SDK1: variants seen among roughly 807,000 people sequenced by gnomAD.
SDK1 encodes the protein sidekick cell adhesion molecule 1.
SDK1 carries 157 observed loss-of-function variants against 245.5 expected under a neutral mutation model. The ratio of observed to expected loss-of-function variants is 0.64; its 90% CI spans 0.56 to 0.73. The LOEUF (loss-of-function observed/expected upper bound fraction) is 0.73, where lower values mean the gene tolerates loss of function less well. Among genes scored for constraint, SDK1 ranks in the 30% least tolerant of loss-of-function variants. The pLI is 0.00. For missense variants in SDK1, 3,583 were observed against 3,002.3 expected (o/e 1.19, Z -4.52); for synonymous variants, 1,647 against 1,278.5 (o/e 1.29, Z -6.15).
chr7:3,508,331 T>TC (rs1782464486), intron 1 of SDK1, among the ~76,000 whole-genome samples: 1 of 149,630 alleles, frequency 6.7e-6, no homozygotes, highest in African/African-American at 2.5e-5. Context: ...TTCTTCTTTT[T>TC]TTTTTTTTTT....
At chr7:4,050,191 C>G (rs552725187) in intron 18 of SDK1, among the ~76,000 whole-genome samples, 3 of 152,318 alleles carry the variant, frequency 2.0e-5, no homozygotes, top group Non-Finnish European at 4.4e-5. Flanking sequence ...ATCTAGTTTC[C>G]TCAATACCTG....
chr7:4,010,886 G>A, intron 14 of SDK1, 80 bp from the exon 15 acceptor site: 1 of 1,443,496 alleles, frequency 6.9e-7, no homozygotes, highest in Non-Finnish European at 9.6e-7. Flanking sequence ...GATGTTCCCT[G>A]AGAAAGCCTT....
chr7:3,394,113 A>C (rs562612120), intron 1 of SDK1, among the ~76,000 whole-genome samples: 1 of 152,148 alleles, frequency 6.6e-6, no homozygotes, highest in Non-Finnish European at 1.5e-5. Context: ...GATAAGATCC[A>C]GAAGAACTCT....
In SDK1 at chr7:3,594,040, C is replaced by T. The variant is rs186929849; in HGVS notation, c.299-25040C>T. Among the ~76,000 whole-genome samples, 7 of 152,222 alleles carry T rather than the reference C, an allele frequency of 4.6e-5. No individual in the cohort carries two copies. The East Asian group carries it at 1.4e-3, about 29-fold the overall frequency. ...GTTTAGGGAGTTGTGCAACCATCAT[C>T]ATAATCTAATTTTAGAACATCCCCA... is the stretch of plus-strand genomic sequence containing the variant. On this transcript the variant is annotated intron_variant, in intron 1 of 44. Coordinates refer to ENST00000404826, the MANE Select transcript of SDK1 (RefSeq NM_152744.4).
intron 4 of SDK1, among the ~76,000 whole-genome samples, chr7:3,653,707 G>T (rs1481345019): frequency 6.6e-6 from 1 of 152,088 alleles, no homozygotes; most frequent in East Asian, 1.9e-4. Context: ...GGAGAAACGG[G>T]TTGGGAGTGC....
chr7:3,802,283 G>C (rs1221086151), intron 4 of SDK1, among the ~76,000 whole-genome samples: 1 of 152,082 alleles, frequency 6.6e-6, no homozygotes, highest in Admixed American at 6.5e-5. Flanking sequence ...CAGCACTTTG[G>C]GAGGCCGAGG....
intron 1 of SDK1, among the ~76,000 whole-genome samples, chr7:3,618,578 C>A (rs187474218): frequency 6.6e-6 from 1 of 152,152 alleles, no homozygotes; most frequent in Non-Finnish European, 1.5e-5. Context: ...TGAAAGTCAC[C>A]AGGAGAGACC....
chr7:3,998,562 C>T (rs770157173), intron 14 of SDK1, among the ~76,000 whole-genome samples: 20 of 152,262 alleles, frequency 1.3e-4, no homozygotes, highest in Non-Finnish European at 2.5e-4. Flanking sequence ...GGAATTCATG[C>T]ATTCCCAAGG....
intron 19 of SDK1, 82 bp downstream of exon 19, chr7:4,051,912 C>T (rs1778878897): frequency 1.5e-6 from 2 of 1,337,470 alleles, no homozygotes; most frequent in Non-Finnish European, 2.1e-6. Flanking sequence ...CAGGCAAGGG[C>T]AGAGGTGGAT....
At chr7:4,195,577 CA>C (rs774195232) in intron 35 of SDK1, among the ~76,000 whole-genome samples, 31 of 152,222 alleles carry the variant, frequency 2.0e-4, no homozygotes, top group Non-Finnish European at 4.1e-4. Flanking sequence ...GGCGCACCCA[CA>C]AGTTCCTTGA....
rs557656124 is a variant in SDK1 at position 3,816,903 on chromosome 7, G to T, written c.714-4547G>T. 1.0e-3 allele frequency among the ~76,000 whole-genome samples: 152 copies of T among 151,870 alleles called. 1 individual carries two copies. Among genetic ancestry groups the T allele is most frequent in the African/African-American group, 3.5e-3 (144 of 41,420 alleles). ...ACAAACTAATATTCTGCATCTTCCT[G>T]CACGCTGACCTTCTGTTAATGTACT... On this transcript the variant is annotated intron_variant, in intron 4 of 44. Coordinates refer to ENST00000404826, the MANE Select transcript of SDK1 (RefSeq NM_152744.4).
intron 1 of SDK1, among the ~76,000 whole-genome samples, chr7:3,399,245 T>A (rs1420737027): frequency 6.6e-6 from 1 of 152,160 alleles, no homozygotes; most frequent in Non-Finnish European, 1.5e-5. Context: ...GTGGACTCCT[T>A]ACATGAATAT....
intron 13 of SDK1, 104 bp downstream of exon 13, chr7:3,974,649 C>G (rs914972712): frequency 9.0e-7 from 1 of 1,114,854 alleles, no homozygotes; most frequent in Admixed American, 2.1e-5. Context: ...GCTTGTGTCC[C>G]AAGTCAGCGG....
chr7:3,624,453 C>T (rs185487712), intron 2 of SDK1, among the ~76,000 whole-genome samples: 18 of 152,094 alleles, frequency 1.2e-4, no homozygotes, highest in African/African-American at 4.3e-4. Context: ...CCAGCCTTGA[C>T]CTCCCAAAGT....
chr7:3,357,764 T>A lies in SDK1; in HGVS notation c.298+55880T>A, dbSNP rs530504310. 8.5e-5 allele frequency among the ~76,000 whole-genome samples: 13 copies of A among 152,184 alleles called. No individual in the cohort carries two copies. The East Asian group carries it at 2.5e-3, about 29-fold the overall frequency. On this transcript the variant is annotated intron_variant, in intron 1 of 44. Transcript: ENST00000404826. ...ACTTGGTCATGACACAGAAACAAAG[T>A]CCCCAGTGACAGTATCTTCTCAAAA...
chr7:3,515,963 G>A (rs1782733775), intron 1 of SDK1, among the ~76,000 whole-genome samples: 1 of 151,842 alleles, frequency 6.6e-6, no homozygotes, highest in African/African-American at 2.4e-5. Flanking sequence ...GTATAATTAG[G>A]GCTTTCTGCA....
chr7:4,094,066 G>C (rs1249429856), intron 22 of SDK1, among the ~76,000 whole-genome samples: 1 of 151,828 alleles, frequency 6.6e-6, no homozygotes, highest in African/African-American at 2.4e-5. Flanking sequence ...TGTGTTTTTT[G>C]CTTTTTTTGA....
chr7:3,481,563 T>C lies in SDK1; in HGVS notation c.299-137517T>C, dbSNP rs1055482698. 9.2e-5 allele frequency among the ~76,000 whole-genome samples: 14 copies of C among 152,268 alleles called. No homozygotes were observed. In the South Asian group the frequency reaches 1.0e-3, roughly 11 times the overall value. On this transcript the variant is annotated intron_variant, in intron 1 of 44. Coordinates refer to ENST00000404826, the MANE Select transcript of SDK1 (RefSeq NM_152744.4). The stretch of plus-strand genomic sequence containing the variant: ...TGAGAAACGAGGGCAAAGAATTAGG[T>C]CCAGGTATTTATTCTGACCCTTGAA...
chr7:4,071,539 C>G (rs543268346), intron 20 of SDK1, among the ~76,000 whole-genome samples: 1 of 152,058 alleles, frequency 6.6e-6, no homozygotes, highest in Non-Finnish European at 1.5e-5. Flanking sequence ...TGCCTGGAGT[C>G]GAAGGAATTA....
Sources: allele counts gnomAD v4.1 joint callset (sites outside exome capture counted in the v4.1 genomes callset), GRCh38; gene constraint gnomAD v4.1.1; transcripts MANE v1.5; gene names NCBI Gene and HGNC (gene_info 2026-07-23, HGNC 2026-07-21).